Variants in MOGAT1 observed in about 807,000 individuals in gnomAD.
The protein encoded by MOGAT1 is monoacylglycerol O-acyltransferase 1, also known as 2-acylglycerol O-acyltransferase 1.
Under a neutral mutation model 31.4 loss-of-function variants are expected in MOGAT1, and 32 were observed. The observed-to-expected ratio is 1.02, with a 90% CI of 0.77 to 1.37. The LOEUF (loss-of-function observed/expected upper bound fraction) is 1.37. Ranked by LOEUF, MOGAT1 falls within the 40% of genes most tolerant of loss-of-function variation. The pLI, the probability that MOGAT1 is intolerant of heterozygous loss-of-function variation, is 0.00. For synonymous variants in MOGAT1, 145 were observed against 144.5 expected, an observed-to-expected ratio of 1.00 and a Z score of -0.03; for missense variants, 426 against 402.0, an observed-to-expected ratio of 1.06 and a Z score of -0.51.
rs1249536529 is a variant in MOGAT1, at chr2:222,689,255, T to A, written c.274-10T>A. On this transcript the variant is annotated splice_polypyrimidine_tract_variant and intron_variant, in intron 2 of 5. Coordinates refer to ENST00000446656, the MANE Select transcript of MOGAT1 (RefSeq NM_058165.3). ...CTTTTTTTTAAAATCTCAATATGAA[T>A]GTGCTGTAGCTTATCAAAACTCAAG... is the stretch of plus-strand genomic sequence containing the variant. 6.2e-7 allele frequency: 1 copy of A among 1,601,002 alleles called. No individual in the cohort carries two copies. Among genetic ancestry groups the A allele is most frequent in the East Asian group, 2.2e-5 (1 of 44,788 alleles).
In MOGAT1 at chr2:222,695,090, G is replaced by C; in HGVS notation, c.655G>C (p.Ala219Pro). 6.3e-7 allele frequency: 1 copy of C among 1,582,784 alleles called. No homozygotes were observed. The highest frequency in any genetic ancestry group is 8.6e-7 in the Non-Finnish European group (1 of 1,165,304). The change falls in exon 5 of 6, where the codon GCC becomes CCC. Residue 219 changes from alanine to proline, a missense_variant and splice_region_variant. Transcript: ENST00000446656. ...GFVKIALTHG[A>P]SLVPVVSFGE... is the part of the protein sequence containing the mutation. ...CACCCGTCCCCTTTGTTATTGCAGC[G>C]CCTCTCTGGTCCCAGTGGTTTCTTT... is the stretch of plus-strand genomic sequence containing the variant.
chr2:222,707,361 GAGAAAGAAAGAGAA>G (rs1355139373), intron 5 of MOGAT1, among the ~76,000 whole-genome samples: 64 of 120,966 alleles, frequency 5.3e-4, no homozygotes, highest in Admixed American at 1.8e-3. Context: ...AAGAAAGAAA[GAGAAAGAAAGAGAA>G]AGAAAGAAAA....
At chr2:222,703,692 C>T (rs1559234644) in intron 5 of MOGAT1, among the ~76,000 whole-genome samples, 1 of 152,126 alleles carries the variant, frequency 6.6e-6, no homozygotes, top group Non-Finnish European at 1.5e-5. Context: ...TCCTTTTAAC[C>T]CTTGTCGGCC....
intron 1 of MOGAT1, among the ~76,000 whole-genome samples, chr2:222,683,320 G>A (rs1692611354): frequency 6.6e-6 from 1 of 151,842 alleles, no homozygotes; most frequent in African/African-American, 2.4e-5. Flanking sequence ...ATAAGGGGAT[G>A]TTTGGGAACT....
chr2:222,706,275 C>G (rs564569528), intron 5 of MOGAT1, among the ~76,000 whole-genome samples: 1 of 152,062 alleles, frequency 6.6e-6, no homozygotes, highest in Admixed American at 6.6e-5. Flanking sequence ...GAGTTTGAGA[C>G]CAGCCTGACC....
At chr2:222,687,113 C>CAAAAAAAAAAAAAAAAAAAA (rs1177781176) in intron 1 of MOGAT1, among the ~76,000 whole-genome samples, 1 of 22,452 alleles carries the variant, frequency 4.5e-5, no homozygotes, top group Non-Finnish European at 8.4e-5. Context: ...GACTCCATCT[C>CAAAAAAAAAAAAAAAAAAAA]AAAAAAAAAA....
chr2:222,685,718 A>G (rs551299619), intron 1 of MOGAT1, among the ~76,000 whole-genome samples: 5 of 148,992 alleles, frequency 3.4e-5, no homozygotes, highest in Admixed American at 1.4e-4. Context: ...CTCCTGCCTC[A>G]ACCTCCGAAA....
intron 5 of MOGAT1, among the ~76,000 whole-genome samples, chr2:222,703,632 G>C (rs1038410415): frequency 6.6e-6 from 1 of 152,046 alleles, no homozygotes; most frequent in Non-Finnish European, 1.5e-5. Context: ...CATAAGCCAC[G>C]GGTGAGCCCT....
chr2:222,679,984 T>G (rs949210153), intron 1 of MOGAT1, among the ~76,000 whole-genome samples: 10 of 152,196 alleles, frequency 6.6e-5, no homozygotes, highest in African/African-American at 2.4e-4. Flanking sequence ...TTCTGTTTTC[T>G]TTGTTTCTAC....
intron 1 of MOGAT1, among the ~76,000 whole-genome samples, chr2:222,680,684 G>A (rs995623430): frequency 6.6e-6 from 1 of 152,136 alleles, no homozygotes; most frequent in African/African-American, 2.4e-5. Flanking sequence ...AGGTGCTAAT[G>A]GATTTTTGCT....
At chr2:222,704,901 G>C (rs886638958) in intron 5 of MOGAT1, among the ~76,000 whole-genome samples, 1 of 152,122 alleles carries the variant, frequency 6.6e-6, no homozygotes, top group African/African-American at 2.4e-5. Flanking sequence ...TGTTACAGGA[G>C]AGGGGTCCGG....
At chr2:222,708,330 C>T (rs1418218981) in intron 5 of MOGAT1, among the ~76,000 whole-genome samples, 5 of 152,114 alleles carry the variant, frequency 3.3e-5, no homozygotes, top group African/African-American at 7.2e-5. Flanking sequence ...GTGATCCACC[C>T]GCCTCAGCCT....
At chr2:222,707,349 AAAAGAAAGAAAG>A (rs1396175675) in intron 5 of MOGAT1, among the ~76,000 whole-genome samples, 90 of 76,200 alleles carry the variant, frequency 1.2e-3, no homozygotes, top group Non-Finnish European at 2.1e-3. Flanking sequence ...GAAAGAAAGA[AAAAGAAAGAAAG>A]AGAAAGAAAG....
At position 222,673,208 on chromosome 2, in the gene MOGAT1, C is replaced by T. The variant is rs1335865597; in HGVS notation, c.94+1329C>T. ...GATTACAGGCGTGAGCCACCGCGCC[C>T]GGCTCATCCCTGGAATTTCTAAGTC... On this transcript the variant is annotated intron_variant, in intron 1 of 5. Transcript: ENST00000446656. Among the ~76,000 whole-genome samples the T allele has an allele frequency of 2.6e-5, 4 of 151,342 alleles. No homozygotes were observed. In the East Asian group the frequency reaches 5.8e-4, roughly 22 times the overall value.
chr2:222,707,974 C>T (rs1693031598), intron 5 of MOGAT1, among the ~76,000 whole-genome samples: 1 of 152,174 alleles, frequency 6.6e-6, no homozygotes, highest in African/African-American at 2.4e-5. Flanking sequence ...CTGTGGGTCC[C>T]ATTCATTACC....
intron 3 of MOGAT1, among the ~76,000 whole-genome samples, chr2:222,692,033 G>A (rs74756483): frequency 2.0e-5 from 3 of 152,262 alleles, no homozygotes; most frequent in East Asian, 1.9e-4. Flanking sequence ...GAGGACTTTC[G>A]ATTTTATTTT....
At chr2:222,690,317 G>T (rs573592248) in intron 3 of MOGAT1, among the ~76,000 whole-genome samples, 2 of 152,250 alleles carry the variant, frequency 1.3e-5, no homozygotes, top group South Asian at 4.1e-4. Context: ...TCAGCACTTT[G>T]GGAGGCCGAG....
At chr2:222,688,033 A>G (rs1692702190) in intron 1 of MOGAT1, among the ~76,000 whole-genome samples, 1 of 152,206 alleles carries the variant, frequency 6.6e-6, no homozygotes. Flanking sequence ...ATTATGGCTC[A>G]GTGTTTCCTC....
In MOGAT1 at chr2:222,689,315, T is replaced by C. The variant is rs1487476755; in HGVS notation, c.324T>C (p.Phe108=). 1 of 1,614,050 alleles carries C rather than the reference T, an allele frequency of 6.2e-7. No homozygotes were observed. Among genetic ancestry groups the C allele is most frequent in the East Asian group, 2.2e-5 (1 of 44,888 alleles). The change falls in exon 3 of 6, where the codon TTT becomes TTC. Residue 108 remains phenylalanine (F), a synonymous_variant. Transcript: ENST00000446656. ...CAAGTCACAACTATATATTTGGGTT[T>C]CACCCCCATGGAATAATGGCAGTTG... The part of the protein sequence containing the change: ...LDPSHNYIFG[F]HPHGIMAVGA...
Sources: gnomAD v4.1 joint callset for allele counts (sites outside exome capture counted in the v4.1 genomes callset) on GRCh38, gnomAD v4.1.1 for gene constraint, MANE v1.5 for transcripts, NCBI Gene and HGNC (gene_info 2026-07-23, HGNC 2026-07-21) for gene names.